The following TET3 variants were observed in gnomAD, a reference collection of about 807,000 sequenced individuals.
The protein encoded by TET3 is methylcytosine dioxygenase TET3.
A neutral mutation model predicts 141.4 loss-of-function variants in TET3; 19 were observed. That is an observed-to-expected ratio of 0.13 (90% CI 0.09 to 0.20). The LOEUF (loss-of-function observed/expected upper bound fraction) is 0.20, where lower values mean the gene tolerates loss of function less well. TET3 is among the 10% of genes least tolerant of loss of function. The pLI is 1.00. For missense variants in TET3, 1,874 were observed against 2,356.9 expected (o/e 0.80, Z 4.24); for synonymous variants, 1,043 against 980.9 (o/e 1.06, Z -1.18).
intron 4 of TET3, among the ~76,000 whole-genome samples, chr2:74,058,334 C>T (rs1004507482): frequency 6.6e-6 from 1 of 152,174 alleles, no homozygotes; most frequent in East Asian, 1.9e-4. Flanking sequence ...ATCTTGGGAA[C>T]ACTCGGTGTT....
chr2:74,082,535 G>A (rs982376164), intron 6 of TET3, among the ~76,000 whole-genome samples: 3 of 152,124 alleles, frequency 2.0e-5, no homozygotes, highest in African/African-American at 7.3e-5. Flanking sequence ...GACTTCCCAT[G>A]TCTTATGAGT....
At chr2:74,091,854 C>T (rs1260178170) in intron 8 of TET3, among the ~76,000 whole-genome samples, 2 of 152,222 alleles carry the variant, frequency 1.3e-5, no homozygotes, top group Non-Finnish European at 2.9e-5. Context: ...TGCCACATGT[C>T]ACCAGGGGCT....
Position 74,099,537 on chromosome 2 carries a change from CAGA to C in TET3, c.3532_3534del (p.Lys1178del), listed in dbSNP as rs758077759. Reference sequence around the variant, plus strand: ...GGCAGCAGCCGAGAAGAAGAAGATTCAGAAGGAGAAGCTGAGCACTCCGGAGAA... The same window carrying C: ...GGCAGCAGCCGAGAAGAAGAAGATTCAGGAGAAGCTGAGCACTCCGGAGAA... On this transcript the variant is annotated inframe_deletion, in exon 11 of 12. Coordinates refer to ENST00000409262, the MANE Select transcript of TET3 (RefSeq NM_001287491.2). 6 of 1,611,580 alleles carry C rather than the reference CAGA, an allele frequency of 3.7e-6. No individual in the cohort carries two copies. In the African/African-American group the frequency reaches 4.0e-5, roughly 11 times the overall value.
chr2:74,032,477 G>GTA (rs1686789401), intron 3 of TET3, among the ~76,000 whole-genome samples: 7 of 150,284 alleles, frequency 4.7e-5, no homozygotes, highest in Admixed American at 4.0e-4. Context: ...GTGTGTGTGT[G>GTA]TGTGTGTGTG....
chr2:74,046,479 C>T lies in TET3; in HGVS notation c.562C>T (p.Pro188Ser). The change falls in exon 4 of 12, where the codon CCA becomes TCA. Residue 188 changes from proline (P) to serine (S), a missense_variant. Pro to Ser is a moderately conservative substitution (Grantham distance 74). Coordinates refer to ENST00000409262, the MANE Select transcript of TET3 (RefSeq NM_001287491.2). This position sits in a 1 kb window ranked among gnomAD's most constrained non-coding sequence, Gnocchi z 4.3. Reference sequence around the variant, plus strand: ...GCCCGACTGGGAGGCTGCCCCAGGCCCAGCTCATACTGCTCGCCTGGAAGA... The same window carrying T: ...GCCCGACTGGGAGGCTGCCCCAGGCTCAGCTCATACTGCTCGCCTGGAAGA... ...QKPDWEAAPG[P>S]AHTARLEDAH... 2 of 1,613,446 alleles carry T rather than the reference C, an allele frequency of 1.2e-6. No individual in the cohort carries two copies. Among genetic ancestry groups the T allele is most frequent in the East Asian group, 2.2e-5 (1 of 44,882 alleles).
downstream of TET3, among the ~76,000 whole-genome samples, chr2:74,108,638 G>A (rs749585394): frequency 5.9e-5 from 9 of 152,286 alleles, no homozygotes; most frequent in Non-Finnish European, 1.0e-4. Context: ...GAGGTTTCCC[G>A]CAAGATCCCA....
chr2:74,019,743 G>C (rs1685930234), intron 3 of TET3, among the ~76,000 whole-genome samples: 1 of 152,214 alleles, frequency 6.6e-6, no homozygotes, highest in South Asian at 2.1e-4. Flanking sequence ...CTGTGATCTG[G>C]ATAACAGATT....
chr2:74,089,054 C>A (rs1226113201), intron 7 of TET3, among the ~76,000 whole-genome samples: 2 of 143,040 alleles, frequency 1.4e-5, no homozygotes, highest in African/African-American at 5.2e-5. Context: ...GCACTCCAGC[C>A]TGAGCAACAG....
the TET3 span, among the ~76,000 whole-genome samples, chr2:74,125,020 T>C: frequency 2.6e-5 from 4 of 151,828 alleles, no homozygotes; most frequent in Admixed American, 6.6e-5. Context: ...TTTCTTTTTT[T>C]TTTTGAGATG....
At chr2:74,076,646 T>A (rs982988036) in intron 5 of TET3, among the ~76,000 whole-genome samples, 2 of 151,576 alleles carry the variant, frequency 1.3e-5, no homozygotes, top group Non-Finnish European at 2.9e-5. Flanking sequence ...TTTCATCACC[T>A]GTTAGTTTTA....
intron 4 of TET3, among the ~76,000 whole-genome samples, chr2:74,050,329 C>A (rs1687880046): frequency 6.6e-6 from 1 of 152,184 alleles, no homozygotes; most frequent in South Asian, 2.1e-4. Context: ...GGATGAAATT[C>A]GTTACTATGT....
chr2:74,089,690 A>G (rs1329841301), intron 7 of TET3, among the ~76,000 whole-genome samples: 1 of 152,214 alleles, frequency 6.6e-6, no homozygotes, highest in Non-Finnish European at 1.5e-5. Flanking sequence ...GCAGGCTCGC[A>G]GTGGTGCAGG....
At chr2:74,027,197 C>T (rs1686413961) in intron 3 of TET3, among the ~76,000 whole-genome samples, 1 of 152,110 alleles carries the variant, frequency 6.6e-6, no homozygotes, top group Non-Finnish European at 1.5e-5. Flanking sequence ...ACTGGCTCAC[C>T]CACCCTCCTT....
At chr2:74,026,227 A>ATCG (rs1686348999) in intron 3 of TET3, among the ~76,000 whole-genome samples, 2 of 151,544 alleles carry the variant, frequency 1.3e-5, no homozygotes, top group African/African-American at 4.9e-5. Flanking sequence ...GGACTTTGAC[A>ATCG]CTGGTCTGCC....
intron 3 of TET3, among the ~76,000 whole-genome samples, chr2:74,012,343 G>A (rs1463064107): frequency 3.3e-5 from 5 of 152,192 alleles, no homozygotes; most frequent in African/African-American, 4.8e-5. Flanking sequence ...GTTTAGTGTC[G>A]TTTGTAGAAA....
chr2:74,056,683 A>G (rs979852598), intron 4 of TET3, among the ~76,000 whole-genome samples: 3 of 152,220 alleles, frequency 2.0e-5, no homozygotes, highest in Non-Finnish European at 4.4e-5. Flanking sequence ...CCTGGGGACT[A>G]CAAGGTAAAA....
chr2:73,988,402 G>C (rs950860833), intron 2 of TET3, among the ~76,000 whole-genome samples: 1 of 152,186 alleles, frequency 6.6e-6, no homozygotes, highest in African/African-American at 2.4e-5. Context: ...AGCTTCCTGG[G>C]CTAGATGTTC....
chr2:74,032,802 AGGGGAGCGTG>A, intron 3 of TET3, among the ~76,000 whole-genome samples: 1 of 152,262 alleles, frequency 6.6e-6, no homozygotes, highest in Middle Eastern at 3.4e-3. Flanking sequence ...CACCTGCTGC[AGGGGAGCGTG>A]TGCTGCCCAG....
At chr2:74,064,774 C>T (rs1688791096) in intron 4 of TET3, among the ~76,000 whole-genome samples, 1 of 152,058 alleles carries the variant, frequency 6.6e-6, no homozygotes, top group Non-Finnish European at 1.5e-5. Flanking sequence ...TGACAAAATG[C>T]ATAGCCTAGA....
Sources: gnomAD v4.1 joint callset for allele counts (sites outside exome capture counted in the v4.1 genomes callset) on GRCh38, gnomAD v4.1.1 for gene constraint, Gnocchi (gnomAD v3.1) non-coding constraint, MANE v1.5 for transcripts, NCBI Gene and HGNC (gene_info 2026-07-23, HGNC 2026-07-21) for gene names.